Variants in SEMA6D observed in about 807,000 individuals in gnomAD.
The protein encoded by SEMA6D is semaphorin-6D.
A neutral mutation model predicts 106.6 loss-of-function variants in SEMA6D; 35 were observed. That is an observed-to-expected ratio of 0.33 (90% confidence interval 0.25 to 0.44). The LOEUF is 0.44. SEMA6D is among the 20% of genes least tolerant of loss of function. The probability of loss-of-function intolerance (pLI) is 1.00; values close to 1 mark genes in which losing one functional copy is unlikely to be tolerated. For missense variants in SEMA6D, 1,185 were observed against 1,345.9 expected (o/e 0.88, Z 1.87); for synonymous variants, 499 against 487.7 (o/e 1.02, Z -0.31).
At chr15:47,745,211 A>G (rs372768609) in intron 1 of SEMA6D, among the ~76,000 whole-genome samples, 1 of 152,220 alleles carries the variant, frequency 6.6e-6, no homozygotes, top group East Asian at 1.9e-4. Flanking sequence ...GCTTCCTGGT[A>G]CTCACCTGGT....
intron 1 of SEMA6D, among the ~76,000 whole-genome samples, chr15:47,220,747 T>C (rs974579897): frequency 5.3e-5 from 8 of 152,220 alleles, no homozygotes; most frequent in African/African-American, 1.9e-4. Context: ...ATTTGCAAAC[T>C]AGCGTGCTAT....
chr15:47,287,309 G>A (rs1469288403), intron 1 of SEMA6D, among the ~76,000 whole-genome samples: 1 of 152,134 alleles, frequency 6.6e-6, no homozygotes, highest in Non-Finnish European at 1.5e-5. Flanking sequence ...GTATGTAGTG[G>A]CTGATTAGTT....
intron 1 of SEMA6D, among the ~76,000 whole-genome samples, chr15:47,344,973 C>G (rs1339026329): frequency 6.6e-6 from 1 of 152,096 alleles, no homozygotes; most frequent in South Asian, 2.1e-4. Flanking sequence ...AAAATGTGCA[C>G]TTCGGAATAA....
chr15:47,306,880 T>C (rs2143005991), intron 1 of SEMA6D, among the ~76,000 whole-genome samples: 1 of 152,332 alleles, frequency 6.6e-6, no homozygotes, highest in East Asian at 1.9e-4. Context: ...TCAATATAGG[T>C]ATGTGTATCT....
chr15:47,568,580 A>G (rs1384535386), intron 3 of SEMA6D, among the ~76,000 whole-genome samples: 2 of 152,156 alleles, frequency 1.3e-5, no homozygotes, highest in Non-Finnish European at 2.9e-5. Context: ...GTAATTTTTT[A>G]CTTCTTTAAT....
intron 2 of SEMA6D, among the ~76,000 whole-genome samples, chr15:47,424,882 CA>C (rs1294766672): frequency 6.6e-6 from 1 of 152,100 alleles, no homozygotes; most frequent in African/African-American, 2.4e-5. Flanking sequence ...TTGAGGCTTA[CA>C]TAGCCTCTTA....
At chr15:47,612,611 T>C (rs1369643) in intron 4 of SEMA6D, among the ~76,000 whole-genome samples, 63,797 of 152,092 alleles carry the variant, frequency 0.42, 14,903 homozygotes, top group South Asian at 0.53. Flanking sequence ...CCCCAAACCC[T>C]TCTCATTTGT....
chr15:47,678,512 T>C (rs1457858220), intron 4 of SEMA6D, among the ~76,000 whole-genome samples: 1 of 152,210 alleles, frequency 6.6e-6, no homozygotes, highest in Non-Finnish European at 1.5e-5. Context: ...ATGATACTTC[T>C]AAATACTATT....
exon 2 of SEMA6D, chr15:47,412,456 C>T (rs1414602694): frequency 6.6e-6 from 1 of 152,618 alleles, no homozygotes; most frequent in Non-Finnish European, 1.5e-5. Context: ...TTAAGGATTT[C>T]ACATTTGCTT....
intron 4 of SEMA6D, among the ~76,000 whole-genome samples, chr15:47,677,294 G>A (rs1298516814): frequency 6.6e-6 from 1 of 152,180 alleles, no homozygotes; most frequent in African/African-American, 2.4e-5. Flanking sequence ...AGCTGGGGCT[G>A]TTGATTGTAT....
intron 1 of SEMA6D, among the ~76,000 whole-genome samples, chr15:47,752,021 G>C (rs1050992558): frequency 6.6e-6 from 1 of 152,178 alleles, no homozygotes; most frequent in African/African-American, 2.4e-5. Flanking sequence ...AAGCACAAGA[G>C]GGATAGAGGC....
chr15:47,638,795 T>C (rs937114823), intron 4 of SEMA6D, among the ~76,000 whole-genome samples: 8 of 152,222 alleles, frequency 5.3e-5, no homozygotes, highest in African/African-American at 1.4e-4. Flanking sequence ...ACCCCAAATG[T>C]CTTTTAAAAA....
intron 3 of SEMA6D, among the ~76,000 whole-genome samples, chr15:47,472,054 T>G (rs2042866026): frequency 6.6e-6 from 1 of 152,002 alleles, no homozygotes. Flanking sequence ...ACAAATACTT[T>G]ATCCTTGGAA....
At chr15:47,513,375 T>C (rs554549751) in intron 3 of SEMA6D, among the ~76,000 whole-genome samples, 1 of 152,300 alleles carries the variant, frequency 6.6e-6, no homozygotes, top group South Asian at 2.1e-4. Flanking sequence ...CATGCAATCT[T>C]ACAGTACTAA....
chr15:47,647,185 A>G (rs934325135), intron 4 of SEMA6D, among the ~76,000 whole-genome samples: 9 of 152,242 alleles, frequency 5.9e-5, no homozygotes, highest in African/African-American at 1.9e-4. Flanking sequence ...CATTTTGGAT[A>G]TAAAGTGTAC....
chr15:47,622,001 G>C (rs2144225287), intron 4 of SEMA6D, among the ~76,000 whole-genome samples: 1 of 152,186 alleles, frequency 6.6e-6, no homozygotes, highest in East Asian at 1.9e-4. Flanking sequence ...ATAGTAACCT[G>C]GAGGGTTCCG....
chr15:47,222,791 C>T (rs1040842040), intron 1 of SEMA6D, among the ~76,000 whole-genome samples: 1 of 152,292 alleles, frequency 6.6e-6, no homozygotes, highest in South Asian at 2.1e-4. Context: ...CAGTCTCTTC[C>T]ATTAACTGTG....
intron 1 of SEMA6D, among the ~76,000 whole-genome samples, chr15:47,401,123 C>G (rs1333551213): frequency 2.0e-5 from 3 of 152,186 alleles, no homozygotes; most frequent in Non-Finnish European, 1.5e-5. Flanking sequence ...TACTTGAAAT[C>G]ATGCCCAATA....
At chr15:47,565,082 G>A (rs530946228) in intron 3 of SEMA6D, among the ~76,000 whole-genome samples, 179 of 152,198 alleles carry the variant, frequency 1.2e-3, no homozygotes, top group Admixed American at 2.1e-3. Flanking sequence ...TTTCCTGGAT[G>A]CCGGACAAAA....
Sources: gnomAD v4.1 joint callset for allele counts (sites outside exome capture counted in the v4.1 genomes callset) on GRCh38, gnomAD v4.1.1 for gene constraint, MANE v1.5 for transcripts, NCBI Gene and HGNC (gene_info 2026-07-23, HGNC 2026-07-21) for gene names.